AKAP19: variants seen among roughly 807,000 people sequenced by gnomAD.
The protein encoded by AKAP19 is A-kinase anchoring protein 19.
the AKAP19 span, among the ~76,000 whole-genome samples, chr2:189,960,518 C>T: frequency 0.034 from 5,138 of 152,240 alleles, 273 homozygotes; most frequent in African/African-American, 0.11. Context: ...TATCTTTTAA[C>T]ACAGTGATTA....
At chr2:190,054,848 G>A in the AKAP19 span, among the ~76,000 whole-genome samples, 1 of 152,138 alleles carries the variant, frequency 6.6e-6, no homozygotes, top group Non-Finnish European at 1.5e-5. Flanking sequence ...GAGAGGATGT[G>A]GAGAAATAGG....
the AKAP19 span, among the ~76,000 whole-genome samples, chr2:190,102,762 G>C: frequency 6.6e-6 from 1 of 152,088 alleles, no homozygotes; most frequent in Non-Finnish European, 1.5e-5. Context: ...ACTGCTAGAC[G>C]TACAAAGAAG....
chr2:190,131,045 C>T, the AKAP19 span, among the ~76,000 whole-genome samples: 1 of 152,158 alleles, frequency 6.6e-6, no homozygotes, highest in Non-Finnish European at 1.5e-5. Flanking sequence ...TGCCCCCATT[C>T]CTTGTAACAG....
chr2:190,073,165 G>A, the AKAP19 span, among the ~76,000 whole-genome samples: 5 of 152,158 alleles, frequency 3.3e-5, no homozygotes, highest in South Asian at 8.3e-4. Context: ...AATTAAAAGA[G>A]TATACTGCAA....
chr2:190,034,773 G>C, the AKAP19 span, among the ~76,000 whole-genome samples: 2 of 136,676 alleles, frequency 1.5e-5, no homozygotes, highest in African/African-American at 2.7e-5. Context: ...AGAATCGCTT[G>C]AACCGGGGAG....
chr2:190,124,904 A>C, the AKAP19 span, among the ~76,000 whole-genome samples: 1 of 151,964 alleles, frequency 6.6e-6, no homozygotes, highest in Admixed American at 6.6e-5. Context: ...TTTTTTGTTA[A>C]AATCGAAGAC....
chr2:189,991,930 C>G, the AKAP19 span, among the ~76,000 whole-genome samples: 1 of 152,100 alleles, frequency 6.6e-6, no homozygotes, highest in Non-Finnish European at 1.5e-5. Flanking sequence ...GCCAATTATC[C>G]CAGCACCATT....
the AKAP19 span, among the ~76,000 whole-genome samples, chr2:190,106,799 A>G: frequency 6.6e-6 from 1 of 152,328 alleles, no homozygotes; most frequent in East Asian, 1.9e-4. Flanking sequence ...AAGTACTACT[A>G]CTTCACTATA....
the AKAP19 span, among the ~76,000 whole-genome samples, chr2:189,896,086 A>C: frequency 6.6e-6 from 1 of 151,964 alleles, no homozygotes; most frequent in South Asian, 2.1e-4. Context: ...GTGTTCTTTC[A>C]GTATATTAAT....
the AKAP19 span, among the ~76,000 whole-genome samples, chr2:190,120,080 C>T: frequency 1.3e-5 from 2 of 152,132 alleles, no homozygotes; most frequent in Admixed American, 1.3e-4. Flanking sequence ...CAGTCCGTGG[C>T]CTGTTAGGAA....
At chr2:190,048,433 A>T in the AKAP19 span, among the ~76,000 whole-genome samples, 1 of 152,162 alleles carries the variant, frequency 6.6e-6, no homozygotes, top group Non-Finnish European at 1.5e-5. Flanking sequence ...TAGTTCAATG[A>T]TGTATATCCA....
At chr2:190,022,503 A>G in the AKAP19 span, among the ~76,000 whole-genome samples, 1 of 152,260 alleles carries the variant, frequency 6.6e-6, no homozygotes, top group East Asian at 1.9e-4. Context: ...TTCTTCTTGC[A>G]TTGAATAATT....
chr2:190,168,012 C>T, the AKAP19 span, among the ~76,000 whole-genome samples: 1 of 152,332 alleles, frequency 6.6e-6, no homozygotes, highest in Middle Eastern at 3.4e-3. Context: ...CCCACATTTC[C>T]CTTCCACGCT....
the AKAP19 span, among the ~76,000 whole-genome samples, chr2:190,118,931 C>G: frequency 6.6e-6 from 1 of 152,134 alleles, no homozygotes; most frequent in African/African-American, 2.4e-5. Flanking sequence ...TCAAATTGTC[C>G]CTGTTTGCAG....
the AKAP19 span, among the ~76,000 whole-genome samples, chr2:189,937,643 A>T: frequency 1.3e-5 from 2 of 152,238 alleles, no homozygotes; most frequent in Non-Finnish European, 2.9e-5. Flanking sequence ...ACAAATGGCA[A>T]ACCGATATAT....
the AKAP19 span, among the ~76,000 whole-genome samples, chr2:189,974,225 A>C: frequency 6.6e-6 from 1 of 151,864 alleles, no homozygotes; most frequent in South Asian, 2.1e-4. Flanking sequence ...CTCTGCCCTC[A>C]TTTCGTTATG....
chr2:190,104,997 G>A, the AKAP19 span, among the ~76,000 whole-genome samples: 1 of 152,162 alleles, frequency 6.6e-6, no homozygotes, highest in South Asian at 2.1e-4. Flanking sequence ...GCAAATGCTG[G>A]TGAGGCTTCA....
the AKAP19 span, among the ~76,000 whole-genome samples, chr2:189,986,974 A>C: frequency 6.6e-6 from 1 of 152,298 alleles, no homozygotes; most frequent in Non-Finnish European, 1.5e-5. Context: ...GGAAAAAGGC[A>C]GGCTTAGAAA....
At chr2:190,048,335 G>A in the AKAP19 span, among the ~76,000 whole-genome samples, 1 of 152,130 alleles carries the variant, frequency 6.6e-6, no homozygotes. Flanking sequence ...ATCTCTTGAA[G>A]CCATTTGCTA....
Sources: allele counts gnomAD v4.1 joint callset (sites outside exome capture counted in the v4.1 genomes callset), GRCh38; gene constraint gnomAD v4.1.1; transcripts MANE v1.5; gene names NCBI Gene and HGNC (gene_info 2026-07-23, HGNC 2026-07-21).